RBFOX1: variants seen among roughly 807,000 people sequenced by gnomAD.
RBFOX1 encodes the protein RNA binding fox-1 homolog 1, also known as RNA binding protein fox-1 homolog 1.
RBFOX1 carries 8 observed loss-of-function variants against 57.7 expected under a neutral mutation model. The observed-to-expected ratio is 0.14, with a 90% CI of 0.08 to 0.25. The LOEUF (loss-of-function observed/expected upper bound fraction) is 0.25, where lower values mean the gene tolerates loss of function less well. RBFOX1 is among the 10% of genes least tolerant of loss of function. The pLI, the probability that RBFOX1 is intolerant of heterozygous loss-of-function variation, is 1.00. For synonymous variants in RBFOX1, 326 were observed against 222.4 expected (o/e 1.47, Z -4.15); for missense variants, 611 against 548.5 (o/e 1.11, Z -1.14).
At chr16:7,153,273 C>G (rs1205473108) in intron 4 of RBFOX1, among the ~76,000 whole-genome samples, 2 of 152,080 alleles carry the variant, frequency 1.3e-5, no homozygotes, top group East Asian at 3.9e-4. Context: ...AGGCATGGGT[C>G]AGAATCTCCT....
chr16:6,690,108 T>TA (rs1411504070), intron 3 of RBFOX1, among the ~76,000 whole-genome samples: 1 of 152,158 alleles, frequency 6.6e-6, no homozygotes, highest in African/African-American at 2.4e-5. Context: ...GTGAGTGAAA[T>TA]AAAAATGCTT....
intron 4 of RBFOX1, among the ~76,000 whole-genome samples, chr16:7,477,505 C>A (rs919000341): frequency 6.6e-6 from 1 of 152,054 alleles, no homozygotes; most frequent in Non-Finnish European, 1.5e-5. Context: ...CCCTTCTGCC[C>A]CCTGAATATT....
intron 4 of RBFOX1, among the ~76,000 whole-genome samples, chr16:5,999,070 A>G (rs1334105911): frequency 6.6e-6 from 1 of 152,210 alleles, no homozygotes. Context: ...TTCAAGGAGC[A>G]TGACAGAGTT....
intron 1 of RBFOX1, among the ~76,000 whole-genome samples, chr16:5,426,495 C>T (rs538794557): frequency 6.6e-6 from 1 of 152,204 alleles, no homozygotes; most frequent in Non-Finnish European, 1.5e-5. Context: ...GAGGTGACCC[C>T]TCAGGTCAGC....
chr16:6,238,345 C>G (rs1002644884), intron 1 of RBFOX1, among the ~76,000 whole-genome samples: 2 of 152,156 alleles, frequency 1.3e-5, no homozygotes, highest in African/African-American at 4.8e-5. Context: ...GAACCTCTAT[C>G]ACATTACAGG....
chr16:5,517,649 A>G (rs1272584261), intron 2 of RBFOX1, among the ~76,000 whole-genome samples: 1 of 152,200 alleles, frequency 6.6e-6, no homozygotes. Flanking sequence ...GGCATCTCAA[A>G]TAGATTGGGC....
chr16:6,922,901 CTAT>C (rs2074790248), intron 3 of RBFOX1, among the ~76,000 whole-genome samples: 1 of 152,110 alleles, frequency 6.6e-6, no homozygotes, highest in Non-Finnish European at 1.5e-5. Flanking sequence ...ACAAGGGGGT[CTAT>C]ATGTCTGTAT....
chr16:6,192,441 C>A (rs1251265951), intron 1 of RBFOX1, among the ~76,000 whole-genome samples: 1 of 151,964 alleles, frequency 6.6e-6, no homozygotes, highest in African/African-American at 2.4e-5. Flanking sequence ...CCCTCTACCT[C>A]CCTCATTTCT....
At chr16:7,147,192 A>T (rs1323593533) in intron 4 of RBFOX1, among the ~76,000 whole-genome samples, 1 of 149,042 alleles carries the variant, frequency 6.7e-6, no homozygotes, top group Non-Finnish European at 1.5e-5. Flanking sequence ...TTTAGCAGAG[A>T]CAGGGTTTCA....
chr16:5,390,936 GC>G, intron 1 of RBFOX1, among the ~76,000 whole-genome samples: 1 of 152,154 alleles, frequency 6.6e-6, no homozygotes, highest in East Asian at 1.9e-4. Context: ...TGCCAGTGGT[GC>G]GTTTGGGGGC....
At chr16:7,235,055 T>C (rs977363762) in intron 4 of RBFOX1, among the ~76,000 whole-genome samples, 3 of 152,158 alleles carry the variant, frequency 2.0e-5, no homozygotes, top group African/African-American at 7.2e-5. Flanking sequence ...GAATTCTTCT[T>C]AGCAAGACAA....
chr16:7,488,828 A>G (rs1358985068), intron 4 of RBFOX1, among the ~76,000 whole-genome samples: 2 of 152,234 alleles, frequency 1.3e-5, no homozygotes, highest in Middle Eastern at 3.4e-3. Context: ...CTATCCATCT[A>G]TACATTCTCA....
intron 2 of RBFOX1, among the ~76,000 whole-genome samples, chr16:6,407,610 AG>A (rs1337889499): frequency 7.0e-6 from 1 of 143,608 alleles, no homozygotes; most frequent in Admixed American, 7.0e-5. Flanking sequence ...ATTCTATCCT[AG>A]GAAATGGGAA....
chr16:6,325,645 T>C (rs1002819497), intron 2 of RBFOX1, among the ~76,000 whole-genome samples: 10 of 152,156 alleles, frequency 6.6e-5, no homozygotes, highest in African/African-American at 2.4e-4. Flanking sequence ...TAGAAGACTA[T>C]GGAAGTCACA....
At chr16:5,652,649 G>A (rs1213641002) in intron 3 of RBFOX1, among the ~76,000 whole-genome samples, 1 of 152,122 alleles carries the variant, frequency 6.6e-6, no homozygotes, top group Non-Finnish European at 1.5e-5. Context: ...ACATTCAGAA[G>A]CTTAGCTGGG....
intron 4 of RBFOX1, among the ~76,000 whole-genome samples, chr16:5,916,213 A>C (rs573231777): frequency 6.6e-6 from 1 of 152,100 alleles, no homozygotes; most frequent in Non-Finnish European, 1.5e-5. Flanking sequence ...ACCCAGATGA[A>C]AGGATGATTT....
intron 4 of RBFOX1, among the ~76,000 whole-genome samples, chr16:7,489,229 C>G (rs1351888582): frequency 1.3e-5 from 2 of 152,142 alleles, no homozygotes; most frequent in East Asian, 1.9e-4. Context: ...TAACTGATAC[C>G]TTTTTTTAAA....
chr16:6,352,671 C>T (rs2086618703), intron 2 of RBFOX1, among the ~76,000 whole-genome samples: 1 of 152,134 alleles, frequency 6.6e-6, no homozygotes, highest in Admixed American at 6.6e-5. Context: ...TCATACATTG[C>T]TCAAAAAGGA....
At chr16:6,806,013 T>C (rs1036201525) in intron 3 of RBFOX1, among the ~76,000 whole-genome samples, 1 of 152,182 alleles carries the variant, frequency 6.6e-6, no homozygotes, top group African/African-American at 2.4e-5. Flanking sequence ...ACTGTGGGTA[T>C]TCATACTCAA....
Sources: allele counts gnomAD v4.1 joint callset (sites outside exome capture counted in the v4.1 genomes callset), GRCh38; gene constraint gnomAD v4.1.1; transcripts MANE v1.5; gene names NCBI Gene and HGNC (gene_info 2026-07-23, HGNC 2026-07-21).